OPRL1: variants seen among roughly 807,000 people sequenced by gnomAD.
OPRL1 encodes nociceptin receptor.
A neutral mutation model predicts 15.5 loss-of-function variants in OPRL1; 5 were observed. That is an observed-to-expected ratio of 0.32 (90% CI 0.17 to 0.68). The LOEUF is 0.68. OPRL1 is among the 30% of genes least tolerant of loss of function. OPRL1 has a pLI of 0.72. For synonymous variants in OPRL1, 223 were observed against 230.2 expected, an observed-to-expected ratio of 0.97 and a Z score of 0.28; for missense variants, 406 against 515.3, an observed-to-expected ratio of 0.79 and a Z score of 2.05.
chr20:64,096,762 C>T (rs1979162768), intron 3 of OPRL1, among the ~76,000 whole-genome samples: 1 of 151,778 alleles, frequency 6.6e-6, no homozygotes, highest in Non-Finnish European at 1.5e-5. Flanking sequence ...TCACCACCAC[C>T]AGCACCTTCA....
In OPRL1 at chr20:64,097,856, C is replaced by T. The variant is rs574256962; in HGVS notation, c.288C>T (p.Ala96=). ...TNIYIFNLAL[A]DTLVLLTLPF... The stretch of plus-strand genomic sequence containing the variant: ...TTTACATCTTTAACCTGGCCCTGGC[C>T]GACACTCTGGTCCTGCTGACGCTGC... Residue 96 remains alanine (A), a synonymous_variant, in exon 4 of 5, where the codon GCC becomes GCT. Transcript: ENST00000336866. The surrounding 1 kb of genome is among the most constrained non-coding windows in gnomAD (Gnocchi z 4.2). 2.5e-5 allele frequency: 41 copies of T among 1,613,582 alleles called. 1 individual carries two copies. Among genetic ancestry groups the T allele is most frequent in the Middle Eastern group, 1.6e-4 (1 of 6,062 alleles).
intron 1 of OPRL1, among the ~76,000 whole-genome samples, chr20:64,085,591 C>T (rs1346102317): frequency 6.6e-6 from 1 of 152,214 alleles, no homozygotes; most frequent in African/African-American, 2.4e-5. Context: ...TCCTAATTCA[C>T]GTGCTTATTC....
Position 64,083,575 on chromosome 20 carries a change from G to C in OPRL1, c.-185+3223G>C. ...CCTTTCCCCGCCCCTACCGGGGCTT[G>C]TCTGCACCTCTTGGCGGTCCAGGGG... On this transcript the variant is annotated intron_variant, in intron 1 of 4. Transcript: ENST00000336866. This position sits in a 1 kb window ranked among gnomAD's most constrained non-coding sequence, Gnocchi z 4.9. 13 of 1,524,292 alleles carry C rather than the reference G, an allele frequency of 8.5e-6. No homozygotes were observed. The highest frequency in any genetic ancestry group is 1.1e-5 in the Non-Finnish European group (13 of 1,135,082). 94.4% of individuals were successfully genotyped at this position (1,524,292 alleles called of 1,614,324 possible).
At chr20:64,084,233 G>A in intron 1 of OPRL1, 2 of 1,369,328 alleles carry the variant, frequency 1.5e-6, no homozygotes, top group Non-Finnish European at 1.9e-6. Context: ...CCCGCCCTGC[G>A]GAGGGAGGAG....
Position 64,098,346 on chromosome 20 carries a change from C to T in OPRL1, c.660C>T (p.Phe220=), listed in dbSNP as rs777327541. The part of the protein sequence containing the change: ...YWGPVFAICI[F]LFSFIVPVLV... ...GCCCGGTGTTTGCCATCTGCATCTTCCTCTTCTCCTTCATCGTCCCCGTGC... is the reference window on the plus strand; with the variant it reads ...GCCCGGTGTTTGCCATCTGCATCTTTCTCTTCTCCTTCATCGTCCCCGTGC... The change falls in exon 5 of 5, where the codon TTC becomes TTT. Residue 220 remains phenylalanine, a synonymous_variant. Coordinates refer to ENST00000336866, the MANE Select transcript of OPRL1 (RefSeq NM_182647.4). 6.8e-6 allele frequency: 11 copies of T among 1,613,870 alleles called. No homozygotes were observed. Among genetic ancestry groups the T allele is most frequent in the African/African-American group, 4.0e-5 (3 of 74,924 alleles).
At chr20:64,091,294 C>T (rs2060113948) in intron 1 of OPRL1, among the ~76,000 whole-genome samples, 1 of 144,578 alleles carries the variant, frequency 6.9e-6, no homozygotes, top group African/African-American at 2.6e-5. Context: ...TGATCTGGGG[C>T]CCAGCTGTGG....
In OPRL1 at chr20:64,092,680, T is replaced by TACCA. The variant is rs2060132159; in HGVS notation, c.-33-8_-33-7insACCA. 1 of 1,579,948 alleles carries TACCA rather than the reference T, an allele frequency of 6.3e-7. No homozygotes were observed. Among genetic ancestry groups the TACCA allele is most frequent in the African/African-American group, 1.3e-5 (1 of 74,544 alleles). ...ACTGCAGCCACTTGTCTCTGCGCTCTGTCCCAGGTACCGTACAGAGTGGAT... is the reference window on the plus strand; with the variant it reads ...ACTGCAGCCACTTGTCTCTGCGCTCTACCAGTCCCAGGTACCGTACAGAGTGGAT... On this transcript the variant is annotated splice_polypyrimidine_tract_variant and splice_region_variant and intron_variant, in intron 2 of 4. Coordinates refer to ENST00000336866, the MANE Select transcript of OPRL1 (RefSeq NM_182647.4).
In OPRL1 at chr20:64,090,617, G is replaced by A. The variant is rs1252147858; in HGVS notation, c.-184-1349G>A. ...GGGGTCACCCACACAGCCTTGACCTGTGACCTTTCATCTCAGTGGATCAGG... is the reference window on the plus strand; with the variant it reads ...GGGGTCACCCACACAGCCTTGACCTATGACCTTTCATCTCAGTGGATCAGG... On this transcript the variant is annotated intron_variant, in intron 1 of 4. Transcript: ENST00000336866. The surrounding 1 kb of genome is among the most constrained non-coding windows in gnomAD (Gnocchi z 4.9). 6.6e-6 allele frequency among the ~76,000 whole-genome samples: 1 copy of A among 152,208 alleles called. No individual in the cohort carries two copies. The highest frequency in any genetic ancestry group is 1.5e-5 in the Non-Finnish European group (1 of 68,032).
rs562130539 is a variant in OPRL1, at chr20:64,092,817, C to T, written c.97C>T (p.Pro33Ser). 5.3e-4 allele frequency: 859 copies of T among 1,612,778 alleles called. 14 individuals carry two copies. The South Asian group carries it at 8.9e-3, about 17-fold the overall frequency. Reference sequence around the variant, plus strand: ...CCTGAGCCCCAACCACAGTCTGCTGCCCCCGCATCTGCTGCTCAATGCCAG... The same window carrying T: ...CCTGAGCCCCAACCACAGTCTGCTGTCCCCGCATCTGCTGCTCAATGCCAG... The part of the protein sequence containing the change: ...SLLSPNHSLL[P>S]PHLLLNASHG... The change falls in exon 3 of 5, where the codon CCC becomes TCC. Residue 33 changes from proline (P) to serine (S), a missense_variant. Transcript: ENST00000336866.
rs772932512 is a variant in OPRL1 at position 64,092,917 on chromosome 20, T to G, written c.197T>G (p.Leu66Arg). ...TACCTGGCCGTGTGTGTCGGAGGGC[T>G]CCTGGGGAACTGCCTTGTCATGTAC... ...GLYLAVCVGG[L>R]LGNCLVMYVI... is the part of the protein sequence containing the mutation. Residue 66 changes from leucine to arginine, a missense_variant, in exon 3 of 5, where the codon CTC (leucine) becomes CGC (arginine). By Grantham distance (102) the Leu-to-Arg change is moderately radical (BLOSUM62 -2). Coordinates refer to ENST00000336866, the MANE Select transcript of OPRL1 (RefSeq NM_182647.4). 4 of 1,612,570 alleles carry G rather than the reference T, an allele frequency of 2.5e-6. No individual in the cohort carries two copies. In the African/African-American group the frequency reaches 5.3e-5, roughly 22 times the overall value.
rs34874539 is a variant in OPRL1 at position 64,098,490 on chromosome 20, A to G, written c.804A>G (p.Val268=). ...GCATCACTCGGCTGGTGCTGGTGGTAGTGGCTGTGTTCGTGGGCTGCTGGA... is the reference window on the plus strand; with the variant it reads ...GCATCACTCGGCTGGTGCTGGTGGTGGTGGCTGTGTTCGTGGGCTGCTGGA... The part of the protein sequence containing the change: ...LRRITRLVLV[V]VAVFVGCWTP... Residue 268 remains valine, a synonymous_variant, in exon 5 of 5, where the codon GTA becomes GTG. Transcript: ENST00000336866. 4,977 of 1,612,898 alleles carry G rather than the reference A, an allele frequency of 3.1e-3. 120 individuals are homozygous for G. In the African/African-American group the frequency reaches 0.058, roughly 19 times the overall value.
In OPRL1 at chr20:64,097,573, T is replaced by C. The variant is rs1979327671; in HGVS notation, c.234-229T>C. Among the ~76,000 whole-genome samples, 1 of 152,214 alleles carries C rather than the reference T, an allele frequency of 6.6e-6. No homozygotes were observed. The highest frequency in any genetic ancestry group is 2.4e-5 in the African/African-American group (1 of 41,444). On this transcript the variant is annotated intron_variant, in intron 3 of 4. Coordinates refer to ENST00000336866, the MANE Select transcript of OPRL1 (RefSeq NM_182647.4). This position sits in a 1 kb window ranked among gnomAD's most constrained non-coding sequence, Gnocchi z 4.2. ...ATCCTTCTGTGTGTGTCAGAGTCAC[T>C]TGAGGAGCTGGTTAAGACGTTTGAC...
intron 1 of OPRL1, among the ~76,000 whole-genome samples, chr20:64,091,486 G>A (rs1391179095): frequency 6.6e-6 from 1 of 152,242 alleles, no homozygotes; most frequent in Non-Finnish European, 1.5e-5. Context: ...TGAGCTCCAG[G>A]AGCACACAGC....
At chr20:64,084,099 T>C (rs1191669601) in intron 1 of OPRL1, 9 of 1,477,932 alleles carry the variant, frequency 6.1e-6, no homozygotes, top group Non-Finnish European at 8.0e-6. Flanking sequence ...CAGCCCGGCT[T>C]GGGGGGCTCT....
Position 64,090,024 on chromosome 20 carries a change from G to A in OPRL1, c.-184-1942G>A, listed in dbSNP as rs1196912732. On this transcript the variant is annotated intron_variant, in intron 1 of 4. Coordinates refer to ENST00000336866, the MANE Select transcript of OPRL1 (RefSeq NM_182647.4). The surrounding 1 kb of genome is among the most constrained non-coding windows in gnomAD (Gnocchi z 4.9). The stretch of plus-strand genomic sequence containing the variant: ...GCCTGGAGAGCGTGTTTGTGCATGT[G>A]TGTGTCCTCTGGGTGTCGGAGGGCC... Among the ~76,000 whole-genome samples, 1 of 152,226 alleles carries A rather than the reference G, an allele frequency of 6.6e-6. No homozygotes were observed. The highest frequency in any genetic ancestry group is 1.5e-5 in the Non-Finnish European group (1 of 68,040).
rs1000348314 is a variant in OPRL1, at chr20:64,089,464, C to T, written c.-184-2502C>T. On this transcript the variant is annotated intron_variant, in intron 1 of 4. Transcript: ENST00000336866. This position sits in a 1 kb window ranked among gnomAD's most constrained non-coding sequence, Gnocchi z 5.5. ...AGCTAGGTCTGACCTCGTCCCCCCT[C>T]CTTTCTTCCTGTCCTCCTATCCCCA... 6.6e-6 allele frequency among the ~76,000 whole-genome samples: 1 copy of T among 152,114 alleles called. No homozygotes were observed. The highest frequency in any genetic ancestry group is 1.5e-5 in the Non-Finnish European group (1 of 68,004).
chr20:64,088,299 G>A (rs1179751911), intron 1 of OPRL1, among the ~76,000 whole-genome samples: 1 of 152,140 alleles, frequency 6.6e-6, no homozygotes, highest in Non-Finnish European at 1.5e-5. Flanking sequence ...ATTGAGGCCA[G>A]GATCTCTGCA....
chr20:64,095,576 G>C (rs998209601), intron 3 of OPRL1, among the ~76,000 whole-genome samples: 1 of 151,652 alleles, frequency 6.6e-6, no homozygotes, highest in African/African-American at 2.4e-5. Context: ...TTGAAGGCCC[G>C]GTTGGGGGAA....
rs879111725 is a variant in OPRL1 at position 64,083,049 on chromosome 20, G to A, written c.-185+2697G>A. On this transcript the variant is annotated intron_variant, in intron 1 of 4. Transcript: ENST00000336866. The surrounding 1 kb of genome is among the most constrained non-coding windows in gnomAD (Gnocchi z 4.9). ...CCCTGGCCCCCTGGTGGGATGACTC[G>A]CACTCGAGACCACTGCAGCCTGAGG... Among the ~76,000 whole-genome samples the A allele has an allele frequency of 6.6e-6, 1 of 152,124 alleles. No homozygotes were observed. The highest frequency in any genetic ancestry group is 6.5e-5 in the Admixed American group (1 of 15,278).
Sources: gnomAD v4.1 joint callset for allele counts (sites outside exome capture counted in the v4.1 genomes callset) on GRCh38, gnomAD v4.1.1 for gene constraint, Gnocchi (gnomAD v3.1) non-coding constraint, MANE v1.5 for transcripts, NCBI Gene and HGNC (gene_info 2026-07-23, HGNC 2026-07-21) for gene names.